The following ZFAND3 variants were observed in gnomAD, a reference collection of about 807,000 sequenced individuals.
ZFAND3 encodes the protein zinc finger AN1-type containing 3.
In ZFAND3, 10 loss-of-function variants were observed where a neutral mutation model predicts 29.6. The ratio of observed to expected loss-of-function variants is 0.34; its 90% CI spans 0.21 to 0.57. ZFAND3 has a LOEUF of 0.57. Ranked by LOEUF, ZFAND3 falls within the 20% of genes least tolerant of loss-of-function variation. The pLI, the probability that ZFAND3 is intolerant of heterozygous loss-of-function variation, is 0.86. For missense variants in ZFAND3, 230 were observed against 304.5 expected (o/e 0.76, Z 1.82); for synonymous variants, 128 against 112.6 (o/e 1.14, Z -0.87).
chr6:37,901,925 C>T (rs1021216466), intron 1 of ZFAND3, among the ~76,000 whole-genome samples: 30 of 152,116 alleles, frequency 2.0e-4, no homozygotes, highest in African/African-American at 7.2e-4. Context: ...TAATTTAATT[C>T]CTTACTTGGT....
intron 2 of ZFAND3, among the ~76,000 whole-genome samples, chr6:38,047,329 G>A (rs1456845202): frequency 1.4e-5 from 2 of 147,644 alleles, no homozygotes; most frequent in Non-Finnish European, 3.0e-5. Flanking sequence ...AAAAAAAAAA[G>A]AAAAGAAATA....
At chr6:37,966,374 A>G (rs1476080693) in intron 2 of ZFAND3, among the ~76,000 whole-genome samples, 1 of 152,242 alleles carries the variant, frequency 6.6e-6, no homozygotes, top group Non-Finnish European at 1.5e-5. Context: ...GTTAAAAAGC[A>G]CATACAAAGT....
intron 1 of ZFAND3, among the ~76,000 whole-genome samples, chr6:37,827,323 CT>C (rs1352005874): frequency 6.6e-6 from 1 of 152,192 alleles, no homozygotes; most frequent in Non-Finnish European, 1.5e-5. Flanking sequence ...AACTGGCAAC[CT>C]CAGCGGCTTG....
chr6:37,969,698 G>T (rs973322385), intron 2 of ZFAND3, among the ~76,000 whole-genome samples: 9 of 152,066 alleles, frequency 5.9e-5, no homozygotes, highest in African/African-American at 2.2e-4. Flanking sequence ...TTACTCAGAA[G>T]AACTAAAATA....
chr6:38,016,963 CT>C (rs1763262481), intron 2 of ZFAND3, among the ~76,000 whole-genome samples: 1 of 152,166 alleles, frequency 6.6e-6, no homozygotes, highest in Non-Finnish European at 1.5e-5. Flanking sequence ...GATGACCTCT[CT>C]CCCCCAAATG....
intron 2 of ZFAND3, among the ~76,000 whole-genome samples, chr6:37,972,697 AT>A (rs56885104): frequency 0.097 from 13,874 of 143,026 alleles, 762 homozygotes; most frequent in East Asian, 0.29. Flanking sequence ...AGGCCTATTA[AT>A]TTTTTTTTTT....
At chr6:37,859,266 T>C (rs1042656597) in intron 1 of ZFAND3, among the ~76,000 whole-genome samples, 1 of 152,232 alleles carries the variant, frequency 6.6e-6, no homozygotes, top group Non-Finnish European at 1.5e-5. Context: ...CAGAGAAAAT[T>C]TATGTTTAGA....
intron 2 of ZFAND3, among the ~76,000 whole-genome samples, chr6:37,965,190 C>T (rs1045456597): frequency 3.9e-5 from 6 of 152,134 alleles, no homozygotes; most frequent in African/African-American, 1.4e-4. Flanking sequence ...CAAACTTATT[C>T]TGTCAAGTTA....
Position 38,003,502 on chromosome 6 carries a change from C to CTT in ZFAND3, c.113-58079_113-58078dup, listed in dbSNP as rs34965436. Reference sequence around the variant, plus strand: ...TTTAGTATTAAAAACCATCCATAATCTTTTTTTTTTTTTGAGACGGTGCCT... The same window carrying CTT: ...TTTAGTATTAAAAACCATCCATAATCTTTTTTTTTTTTTTTGAGACGGTGCCT... On this transcript the variant is annotated intron_variant, in intron 2 of 5. Coordinates refer to ENST00000287218, the MANE Select transcript of ZFAND3 (RefSeq NM_021943.3). 4.1e-4 allele frequency among the ~76,000 whole-genome samples: 61 copies of CTT among 147,058 alleles called. No individual in the cohort carries two copies. The East Asian group carries it at 0.01, about 25-fold the overall frequency.
intron 2 of ZFAND3, among the ~76,000 whole-genome samples, chr6:38,019,633 T>C (rs2127446992): frequency 6.6e-6 from 1 of 152,354 alleles, no homozygotes; most frequent in East Asian, 1.9e-4. Context: ...TTATGTTTTC[T>C]TTAAATGCTT....
intron 3 of ZFAND3, among the ~76,000 whole-genome samples, chr6:38,074,346 AATT>A (rs1764512957): frequency 6.6e-6 from 1 of 152,218 alleles, no homozygotes; most frequent in Non-Finnish European, 1.5e-5. Context: ...GTTGACATCT[AATT>A]ATTTTAATTT....
chr6:37,837,841 A>T (rs1045474181), intron 1 of ZFAND3, among the ~76,000 whole-genome samples: 9 of 152,216 alleles, frequency 5.9e-5, no homozygotes, highest in African/African-American at 2.2e-4. Context: ...TATATAGAGA[A>T]CAGCGTGTAT....
intron 1 of ZFAND3, among the ~76,000 whole-genome samples, chr6:37,839,460 G>T (rs908335405): frequency 6.6e-6 from 1 of 151,568 alleles, no homozygotes; most frequent in East Asian, 1.9e-4. Context: ...GGGATAACAG[G>T]CGTGAGCCAC....
At chr6:37,847,631 C>G (rs1399035623) in intron 1 of ZFAND3, among the ~76,000 whole-genome samples, 8 of 152,114 alleles carry the variant, frequency 5.3e-5, no homozygotes, top group Non-Finnish European at 8.8e-5. Flanking sequence ...ATTATTTTCT[C>G]TATTCTCCAT....
intron 5 of ZFAND3, among the ~76,000 whole-genome samples, chr6:38,129,427 A>G (rs1334369040): frequency 6.6e-6 from 1 of 152,132 alleles, no homozygotes; most frequent in African/African-American, 2.4e-5. Flanking sequence ...GGTTTTTCCA[A>G]TGTTATCTTT....
intron 5 of ZFAND3, among the ~76,000 whole-genome samples, chr6:38,141,002 A>T (rs1765942925): frequency 1.0e-5 from 1 of 99,532 alleles, no homozygotes; most frequent in East Asian, 3.5e-4. Context: ...CACACCACAC[A>T]GTCTTATAAC....
chr6:38,075,340 G>A (rs1406082985), intron 3 of ZFAND3, among the ~76,000 whole-genome samples: 2 of 152,182 alleles, frequency 1.3e-5, no homozygotes, highest in Non-Finnish European at 2.9e-5. Flanking sequence ...TTTGGAAGAA[G>A]TTTATTCTAA....
At chr6:37,968,072 A>G (rs1390739820) in intron 2 of ZFAND3, among the ~76,000 whole-genome samples, 1 of 152,190 alleles carries the variant, frequency 6.6e-6, no homozygotes, top group Non-Finnish European at 1.5e-5. Context: ...AGAACTGAAA[A>G]ATAACATTTC....
At chr6:38,060,126 A>G (rs1430389850) in intron 2 of ZFAND3, among the ~76,000 whole-genome samples, 2 of 152,168 alleles carry the variant, frequency 1.3e-5, no homozygotes, top group East Asian at 3.9e-4. Context: ...AAACCTGTGT[A>G]TATGGAGGAC....
Sources: gnomAD v4.1 joint callset for allele counts (sites outside exome capture counted in the v4.1 genomes callset) on GRCh38, gnomAD v4.1.1 for gene constraint, MANE v1.5 for transcripts, NCBI Gene and HGNC (gene_info 2026-07-23, HGNC 2026-07-21) for gene names.